Variants in ANKMY1 observed in about 807,000 individuals in gnomAD.
ANKMY1 encodes the protein ankyrin repeat and MYND domain-containing protein 1.
A neutral mutation model predicts 102.0 loss-of-function variants in ANKMY1; 98 were observed. The observed-to-expected ratio is 0.96, with a 90% CI of 0.82 to 1.14. The LOEUF (loss-of-function observed/expected upper bound fraction) is 1.14. ANKMY1 is among the 50% of genes most tolerant of loss of function. The pLI is 0.00. For synonymous variants in ANKMY1, 582 were observed against 559.9 expected (o/e 1.04, Z -0.56); for missense variants, 1,330 against 1,347.6 (o/e 0.99, Z 0.20).
intron 9 of ANKMY1, among the ~76,000 whole-genome samples, chr2:240,514,103 G>A (rs930529357): frequency 5.3e-4 from 81 of 152,216 alleles, no homozygotes; most frequent in African/African-American, 1.9e-3. Context: ...CCCTAAAACA[G>A]CAGCAGCAAC....
intron 15 of ANKMY1, among the ~76,000 whole-genome samples, chr2:240,490,439 A>C (rs1315039862): frequency 6.6e-6 from 1 of 152,112 alleles, no homozygotes; most frequent in Non-Finnish European, 1.5e-5. Context: ...TTTTTGCTGT[A>C]TCCCACAGGT....
chr2:240,547,324 G>A (rs946929570), intron 4 of ANKMY1, among the ~76,000 whole-genome samples: 77 of 152,060 alleles, frequency 5.1e-4, no homozygotes, highest in Non-Finnish European at 1.0e-3. Context: ...CGAGAACAAA[G>A]ACATAACATA....
intron 12 of ANKMY1, among the ~76,000 whole-genome samples, chr2:240,508,131 A>G (rs1325158572): frequency 6.6e-6 from 1 of 152,204 alleles, no homozygotes; most frequent in Non-Finnish European, 1.5e-5. Flanking sequence ...TGTCAATGTG[A>G]CCACTCGGCC....
At chr2:240,508,005 C>T (rs926100167) in intron 12 of ANKMY1, among the ~76,000 whole-genome samples, 1 of 152,262 alleles carries the variant, frequency 6.6e-6, no homozygotes, top group African/African-American at 2.4e-5. Flanking sequence ...TGGTTCCCAG[C>T]TCCCACCTTG....
At chr2:240,552,190 CTCAT>C (rs757601691) in intron 4 of ANKMY1, among the ~76,000 whole-genome samples, 2 of 152,224 alleles carry the variant, frequency 1.3e-5, no homozygotes, top group Non-Finnish European at 2.9e-5. Flanking sequence ...CTTGGCAATA[CTCAT>C]TGTCTCAGTG....
rs1320209856 is a variant in ANKMY1 at position 240,506,498 on chromosome 2, A to G, written c.2526+1062T>C. Among the ~76,000 whole-genome samples the G allele has an allele frequency of 6.6e-6, 1 of 152,216 alleles. No homozygotes were observed. Among genetic ancestry groups the G allele is most frequent in the Non-Finnish European group, 1.5e-5 (1 of 68,042 alleles). On this transcript the variant is annotated intron_variant, in intron 13 of 17. Coordinates refer to ENST00000401804, the MANE Select transcript of ANKMY1 (RefSeq NM_001282771.3). This position sits in a 1 kb window ranked among gnomAD's most constrained non-coding sequence, Gnocchi z 4.9. Reference sequence around the variant, plus strand: ...TAGGAAGAAGGACAGGAGACTTAAAATCAGATCTGGAAACAGCATCTCAAG... The same window carrying G: ...TAGGAAGAAGGACAGGAGACTTAAAGTCAGATCTGGAAACAGCATCTCAAG...
intron 9 of ANKMY1, among the ~76,000 whole-genome samples, chr2:240,518,314 CT>C (rs1362050668): frequency 9.2e-5 from 14 of 152,142 alleles, no homozygotes; most frequent in Non-Finnish European, 1.5e-5. Context: ...CAGTGAGACC[CT>C]AGACCCCTCA....
chr2:240,471,554 A>G, the ANKMY1 span, among the ~76,000 whole-genome samples: 46 of 152,344 alleles, frequency 3.0e-4, no homozygotes, highest in African/African-American at 1.1e-3. Flanking sequence ...AATAGAAACC[A>G]TAAGGATAGA....
At chr2:240,538,332 C>A (rs181254411) in intron 4 of ANKMY1, among the ~76,000 whole-genome samples, 2 of 152,082 alleles carry the variant, frequency 1.3e-5, no homozygotes, top group African/African-American at 4.8e-5. Flanking sequence ...GGGGCCAGCG[C>A]GAGTTCTGGG....
chr2:240,480,045 A>G (rs1001695258), intron 17 of ANKMY1, among the ~76,000 whole-genome samples: 1 of 152,184 alleles, frequency 6.6e-6, no homozygotes, highest in Non-Finnish European at 1.5e-5. Context: ...CCACGTCTCT[A>G]CTAAAAATAC....
At chr2:240,472,707 A>T in the ANKMY1 span, among the ~76,000 whole-genome samples, 1 of 152,020 alleles carries the variant, frequency 6.6e-6, no homozygotes, top group Non-Finnish European at 1.5e-5. Context: ...CCTGGAGGCA[A>T]CCCTTCAGAG....
At position 240,520,237 on chromosome 2, in the gene ANKMY1, A is replaced by G; in HGVS notation, c.2004+125T>C. On this transcript the variant is annotated intron_variant, in intron 9 of 17. Coordinates refer to ENST00000401804, the MANE Select transcript of ANKMY1 (RefSeq NM_001282771.3). This position sits in a 1 kb window ranked among gnomAD's most constrained non-coding sequence, Gnocchi z 4.8. Reference sequence around the variant, plus strand: ...ACTGCGGCGCGCCGTCATCACTCACAGCCCAGGTGGTCGCCTGCAAGAGCC... The same window carrying G: ...ACTGCGGCGCGCCGTCATCACTCACGGCCCAGGTGGTCGCCTGCAAGAGCC... 7.1e-7 allele frequency: 1 copy of G among 1,400,838 alleles called. No homozygotes were observed. Among genetic ancestry groups the G allele is most frequent in the African/African-American group, 1.4e-5 (1 of 70,050 alleles). The allele number at this position is 1,400,838 out of a possible 1,614,324, so 86.8% of individuals were successfully genotyped here.
In ANKMY1 at chr2:240,533,664, T is replaced by C. The variant is rs185843104; in HGVS notation, c.481-4155A>G. On this transcript the variant is annotated intron_variant, in intron 4 of 17. Transcript: ENST00000401804. The stretch of plus-strand genomic sequence containing the variant: ...ACATGCATGGCTAGTGGCCACCACG[T>C]TGGACAATGCAGGTCTAAATGACCA... Among the ~76,000 whole-genome samples, 108 of 151,706 alleles carry C rather than the reference T, an allele frequency of 7.1e-4. 1 individual carries two copies. In the Middle Eastern group the frequency reaches 0.034, roughly 48 times the overall value.
chr2:240,525,807 C>G lies in ANKMY1; in HGVS notation c.1213G>C (p.Gly405Arg), dbSNP rs755163144. 6.2e-6 allele frequency: 10 copies of G among 1,614,044 alleles called. No individual in the cohort carries two copies. The highest frequency in any genetic ancestry group is 1.6e-4 in the Middle Eastern group (1 of 6,084). The change falls in exon 7 of 18, where the codon GGG (glycine) becomes CGG (arginine). Residue 405 changes from glycine (G) to arginine (R), a missense_variant. Physicochemically the swap from Gly to Arg is moderately radical, Grantham distance 125 (BLOSUM62 -2). Coordinates refer to ENST00000401804, the MANE Select transcript of ANKMY1 (RefSeq NM_001282771.3). ...NDIVNLLLDC[G>R]ADVNKCSDEG... ...TCTGAGCACTTGTTCACGTCGGCCC[C>G]ACAGTCCAGGAGAAGGTTGACAATG...
rs2076104041 is a variant in ANKMY1, at chr2:240,486,744, G to A, written c.2807-4483C>T. Among the ~76,000 whole-genome samples, 3 of 152,082 alleles carry A rather than the reference G, an allele frequency of 2.0e-5. No individual in the cohort carries two copies. The South Asian group carries it at 6.2e-4, about 32-fold the overall frequency. On this transcript the variant is annotated intron_variant, in intron 15 of 17. Transcript: ENST00000401804. ...GCCCAGGCTGGTCTCAATCTCCTGGGCTCAAGCAATCCTTCTGCCTCAGTC... is the reference window on the plus strand; with the variant it reads ...GCCCAGGCTGGTCTCAATCTCCTGGACTCAAGCAATCCTTCTGCCTCAGTC...
intron 12 of ANKMY1, among the ~76,000 whole-genome samples, chr2:240,508,783 AATGG>A (rs1381228571): frequency 1.4e-5 from 2 of 140,384 alleles, no homozygotes; most frequent in Admixed American, 7.2e-5. Flanking sequence ...TGAATGAATG[AATGG>A]GTGGACGGTA....
rs753817079 is a variant in ANKMY1 at position 240,526,475 on chromosome 2, A to G, written c.954-30T>C. The stretch of plus-strand genomic sequence containing the variant: ...CAACACAACAAGTTTCAGTGGTCCT[A>G]GACCAGGTTCTGCACCTCCCACGAG... On this transcript the variant is annotated intron_variant, in intron 5 of 17. Coordinates refer to ENST00000401804, the MANE Select transcript of ANKMY1 (RefSeq NM_001282771.3). The G allele has an allele frequency of 6.2e-6, 10 of 1,613,504 alleles. No individual in the cohort carries two copies. The Admixed American group carries it at 1.7e-4, about 27-fold the overall frequency.
At chr2:240,490,554 T>C (rs1204291374) in intron 15 of ANKMY1, among the ~76,000 whole-genome samples, 1 of 152,324 alleles carries the variant, frequency 6.6e-6, no homozygotes, top group South Asian at 2.1e-4. Flanking sequence ...TTAATTTCCA[T>C]GTTGCAAATT....
At chr2:240,480,881 G>C in intron 17 of ANKMY1, 56 bp downstream of exon 17, 2 of 1,571,200 alleles carry the variant, frequency 1.3e-6, no homozygotes, top group South Asian at 2.3e-5. Context: ...CCAGGCCTGC[G>C]CCTTCGCCCT....
Sources: allele counts gnomAD v4.1 joint callset (sites outside exome capture counted in the v4.1 genomes callset), GRCh38; gene constraint gnomAD v4.1.1; non-coding constraint Gnocchi (gnomAD v3.1); transcripts MANE v1.5; gene names NCBI Gene and HGNC (gene_info 2026-07-23, HGNC 2026-07-21).